CHD9: variants seen among roughly 807,000 people sequenced by gnomAD.
CHD9 encodes the protein chromodomain helicase DNA binding protein 9.
In CHD9, 77 loss-of-function variants were observed where a neutral mutation model predicts 316.1. The ratio of observed to expected loss-of-function variants is 0.24; its 90% CI spans 0.20 to 0.29. CHD9 has a LOEUF of 0.29. CHD9 is among the 10% of genes least tolerant of loss of function. The pLI is 1.00. For missense variants in CHD9, 2,763 were observed against 3,438.1 expected (o/e 0.80, Z 4.91); for synonymous variants, 1,129 against 1,158.3 (o/e 0.97, Z 0.51).
chr16:53,302,473 A>G (rs899988130), intron 30 of CHD9, among the ~76,000 whole-genome samples: 3 of 152,200 alleles, frequency 2.0e-5, no homozygotes, highest in Non-Finnish European at 4.4e-5. Context: ...ATTACTGATG[A>G]TGTTGACTTT....
At chr16:53,200,261 CT>C (rs2045331396) in intron 2 of CHD9, among the ~76,000 whole-genome samples, 1 of 151,008 alleles carries the variant, frequency 6.6e-6, no homozygotes, top group African/African-American at 2.4e-5. Flanking sequence ...GTCCCAGCTA[CT>C]TGGGAGGCTG....
intron 1 of CHD9, among the ~76,000 whole-genome samples, chr16:53,135,128 T>C (rs2039620310): frequency 6.6e-6 from 1 of 152,090 alleles, no homozygotes; most frequent in Admixed American, 6.5e-5. Flanking sequence ...AAAAATATGT[T>C]TGAAGGCTAT....
intron 19 of CHD9, among the ~76,000 whole-genome samples, chr16:53,259,887 AG>A (rs1453176867): frequency 1.3e-5 from 2 of 152,228 alleles, no homozygotes; most frequent in African/African-American, 4.8e-5. Flanking sequence ...AAATCTCAAG[AG>A]GCATGTATCA....
intron 1 of CHD9, among the ~76,000 whole-genome samples, chr16:53,075,699 G>A (rs1014539948): frequency 2.6e-5 from 4 of 152,246 alleles, no homozygotes; most frequent in Non-Finnish European, 4.4e-5. Flanking sequence ...CCATGATTCC[G>A]AGGCCTCCCC....
intron 17 of CHD9, chr16:53,250,426 A>G (rs896476484): frequency 1.0e-4 from 19 of 183,158 alleles, no homozygotes; most frequent in Non-Finnish European, 1.7e-4. Context: ...TTGGCCTCCA[A>G]AAGTGCTGGG....
chr16:53,308,053 A>C, intron 33 of CHD9, 100 bp downstream of exon 33: 1 of 1,020,454 alleles, frequency 9.8e-7, no homozygotes, highest in Non-Finnish European at 1.4e-6. Flanking sequence ...CTTCCTTCAC[A>C]TACCTGTTTC....
rs988899765 is a variant in CHD9, at chr16:53,054,996, A to C, written c.-246A>C. 6.6e-6 allele frequency: 1 copy of C among 152,164 alleles called. No homozygotes were observed. Among genetic ancestry groups the C allele is most frequent in the African/African-American group, 2.4e-5 (1 of 41,440 alleles). The allele number at this position is 152,164 out of a possible 1,614,324, so 9.4% of individuals were successfully genotyped here. On this transcript the variant is annotated 5_prime_UTR_variant, in exon 1 of 39. Transcript: ENST00000447540. ...GCGCCTGCGCTCTAGTGGGCGCTTC[A>C]CAGGCGCAGCGACAGCGACAGCGAC...
chr16:53,168,591 C>T (rs1330855612), intron 2 of CHD9: 2 of 152,092 alleles, frequency 1.3e-5, no homozygotes, highest in East Asian at 3.9e-4. Flanking sequence ...GCCTTTTACT[C>T]ACAGCAAAAA....
intron 24 of CHD9, among the ~76,000 whole-genome samples, chr16:53,280,767 C>T (rs8058720): frequency 0.47 from 71,261 of 151,854 alleles, 17,533 homozygotes; most frequent in African/African-American, 0.59. Context: ...AGATTGCCTA[C>T]ATTTACTATC....
rs148532792 is a variant in CHD9 at position 53,313,207 on chromosome 16, G to A, written c.7223-1170G>A. ...AAAGAAAATACCTTAAGTAGGTTGG[G>A]GCAGGAATGGACTAGGGAAATCCAA... On this transcript the variant is annotated intron_variant, in intron 34 of 38. Transcript: ENST00000447540. Among the ~76,000 whole-genome samples, 1,169 of 150,534 alleles carry A rather than the reference G, an allele frequency of 7.8e-3. 12 individuals carry two copies. Among genetic ancestry groups the A allele is most frequent in the Non-Finnish European group, 0.011 (732 of 67,810 alleles).
intron 1 of CHD9, among the ~76,000 whole-genome samples, chr16:53,153,433 AGTT>A (rs1258083089): frequency 6.6e-6 from 1 of 152,164 alleles, no homozygotes; most frequent in Non-Finnish European, 1.5e-5. Context: ...GAGGAAGGAG[AGTT>A]TTAATTTTTT....
At chr16:53,278,532 C>G (rs1043297220) in intron 24 of CHD9, among the ~76,000 whole-genome samples, 1 of 152,126 alleles carries the variant, frequency 6.6e-6, no homozygotes, top group African/African-American at 2.4e-5. Context: ...ACAAATGGTG[C>G]TGGGATAATT....
chr16:53,170,281 TATA>T (rs1242886066), intron 2 of CHD9, among the ~76,000 whole-genome samples: 1 of 152,158 alleles, frequency 6.6e-6, no homozygotes, highest in Non-Finnish European at 1.5e-5. Flanking sequence ...ATCATTGTAC[TATA>T]ATATGTTATA....
chr16:53,092,616 T>G (rs1434070962), intron 1 of CHD9, among the ~76,000 whole-genome samples: 1 of 152,050 alleles, frequency 6.6e-6, no homozygotes, highest in African/African-American at 2.4e-5. Flanking sequence ...CCTAGCAAAC[T>G]CTGTGTCTGT....
intron 1 of CHD9, among the ~76,000 whole-genome samples, chr16:53,151,076 T>A (rs1017697410): frequency 6.6e-6 from 1 of 152,160 alleles, no homozygotes; most frequent in African/African-American, 2.4e-5. Flanking sequence ...CTCTCTCTCC[T>A]TCTTCTGGGA....
At chr16:53,234,702 A>G (rs1186922553) in intron 10 of CHD9, among the ~76,000 whole-genome samples, 1 of 151,930 alleles carries the variant, frequency 6.6e-6, no homozygotes, top group Non-Finnish European at 1.5e-5. Context: ...TTGGCCTCCA[A>G]AAGTGCTGGG....
intron 3 of CHD9, among the ~76,000 whole-genome samples, chr16:53,213,280 A>G (rs1447634607): frequency 6.6e-6 from 1 of 152,224 alleles, no homozygotes; most frequent in Non-Finnish European, 1.5e-5. Flanking sequence ...GTTGAAATGG[A>G]AATGGCAGGT....
At chr16:53,217,074 A>T (rs1212004143) in intron 3 of CHD9, among the ~76,000 whole-genome samples, 1 of 152,066 alleles carries the variant, frequency 6.6e-6, no homozygotes, top group Non-Finnish European at 1.5e-5. Context: ...GTTGGCCAGG[A>T]TCCAATTCAG....
intron 1 of CHD9, among the ~76,000 whole-genome samples, chr16:53,088,665 G>C (rs546283722): frequency 2.4e-4 from 37 of 152,196 alleles, no homozygotes; most frequent in African/African-American, 8.9e-4. Flanking sequence ...GGCATTGCAG[G>C]GGTGTTGGGC....
Sources: allele counts gnomAD v4.1 joint callset (sites outside exome capture counted in the v4.1 genomes callset), GRCh38; gene constraint gnomAD v4.1.1; transcripts MANE v1.5; gene names NCBI Gene and HGNC (gene_info 2026-07-23, HGNC 2026-07-21).